ICA1: variants seen among roughly 807,000 people sequenced by gnomAD.
The protein encoded by ICA1 is 69 kDa islet cell autoantigen.
In ICA1, 40 loss-of-function variants were observed where a neutral mutation model predicts 71.0. That is an observed-to-expected ratio of 0.56 (90% CI 0.44 to 0.73). ICA1 has a LOEUF of 0.73. Among genes scored for constraint, ICA1 ranks in the 30% least tolerant of loss-of-function variants. The pLI is 0.00. For missense variants in ICA1, 578 were observed against 576.5 expected (o/e 1.00, Z -0.03); for synonymous variants, 207 against 209.5 (o/e 0.99, Z 0.10).
At position 8,173,161 on chromosome 7, in the gene ICA1, C is replaced by A. The variant is rs969195732; in HGVS notation, c.580-14509G>T. On this transcript the variant is annotated intron_variant, in intron 6 of 13. Transcript: ENST00000402384. This position sits in a 1 kb window ranked among gnomAD's most constrained non-coding sequence, Gnocchi z 4.0. ...AGGTCACGGCCTCTGACTATCATGT[C>A]CCCTCTCTAAGTAACCAGGGCTCCT... 1.3e-5 allele frequency among the ~76,000 whole-genome samples: 2 copies of A among 152,164 alleles called. No individual in the cohort carries two copies. Among genetic ancestry groups the A allele is most frequent in the East Asian group, 1.9e-4 (1 of 5,202 alleles).
intron 1 of ICA1, among the ~76,000 whole-genome samples, chr7:8,251,701 A>G (rs888036385): frequency 1.3e-5 from 2 of 152,052 alleles, no homozygotes; most frequent in African/African-American, 4.8e-5. Flanking sequence ...CTCTTCATCT[A>G]TTCCAAGAGA....
At position 8,143,956 on chromosome 7, in the gene ICA1, A is replaced by G. The variant is rs1361425781; in HGVS notation, c.821T>C (p.Met274Thr). 6.3e-7 allele frequency: 1 copy of G among 1,598,746 alleles called. No individual in the cohort carries two copies. The highest frequency in any genetic ancestry group is 8.6e-7 in the Non-Finnish European group (1 of 1,166,516). Residue 274 changes from methionine (M) to threonine (T), a missense_variant, in exon 9 of 14, where the codon ATG (methionine) becomes ACG (threonine). Transcript: ENST00000402384. The stretch of plus-strand genomic sequence containing the variant: ...CTCTTCTTTCTCAACTAATTTTTTC[A>G]TAGGGTCTTGTAAGCTCTTGATCAC... Reference protein sequence around the residue: ...FTTLKSLQDPMKKLVEKEEKK... With the variant: ...FTTLKSLQDPTKKLVEKEEKK...
intron 8 of ICA1, among the ~76,000 whole-genome samples, chr7:8,147,379 C>T (rs1446111065): frequency 1.3e-5 from 2 of 152,154 alleles, no homozygotes; most frequent in Admixed American, 1.3e-4. Flanking sequence ...CTTCTCCCAA[C>T]GGAATGGCTG....
intron 3 of ICA1, 28 bp downstream of exon 3, chr7:8,232,562 T>C (rs1800580159): frequency 1.3e-6 from 2 of 1,582,676 alleles, no homozygotes; most frequent in Non-Finnish European, 8.6e-7. Context: ...GGTGGCTGTG[T>C]TGGGGCTGAC....
At chr7:8,142,424 TG>T (rs1389849236) in intron 9 of ICA1, among the ~76,000 whole-genome samples, 1 of 152,266 alleles carries the variant, frequency 6.6e-6, no homozygotes. Context: ...AAATAGTTAC[TG>T]GGTTATACTT....
chr7:8,120,873 G>A (rs1246466504), intron 13 of ICA1, among the ~76,000 whole-genome samples: 4 of 152,194 alleles, frequency 2.6e-5, no homozygotes, highest in South Asian at 2.1e-4. Context: ...ATTTACCAGC[G>A]GGGAGAGCCG....
chr7:8,119,289 G>A (rs906775730), intron 13 of ICA1, among the ~76,000 whole-genome samples: 4 of 152,084 alleles, frequency 2.6e-5, no homozygotes, highest in Non-Finnish European at 5.9e-5. Context: ...CCTGATCTCT[G>A]TATGCTATGT....
At chr7:8,239,337 A>C (rs930510205) in intron 1 of ICA1, among the ~76,000 whole-genome samples, 3 of 152,262 alleles carry the variant, frequency 2.0e-5, no homozygotes, top group Non-Finnish European at 4.4e-5. Flanking sequence ...TTTATCAGAC[A>C]TAAACTGAGC....
At chr7:8,236,976 A>G (rs974114554) in intron 1 of ICA1, 4 of 152,246 alleles carry the variant, frequency 2.6e-5, no homozygotes, top group Non-Finnish European at 4.4e-5. Context: ...GATCCTGGCA[A>G]CCAGTACTCC....
Position 8,190,469 on chromosome 7 carries a change from A to G in ICA1, c.579+27836T>C, listed in dbSNP as rs3807829. 3.3e-5 allele frequency among the ~76,000 whole-genome samples: 5 copies of G among 152,312 alleles called. No homozygotes were observed. The East Asian group carries it at 9.6e-4, about 29-fold the overall frequency. On this transcript the variant is annotated intron_variant, in intron 6 of 13. Coordinates refer to ENST00000402384, the MANE Select transcript of ICA1 (RefSeq NM_001136020.3). ...TGAAAACGTTACAGTAGAGAAATCAATTATAATAAGGTAATACAGTTAGCT... is the reference window on the plus strand; with the variant it reads ...TGAAAACGTTACAGTAGAGAAATCAGTTATAATAAGGTAATACAGTTAGCT...
chr7:8,116,564 T>A (rs1003319699), intron 13 of ICA1: 14 of 152,256 alleles, frequency 9.2e-5, no homozygotes, highest in African/African-American at 2.9e-4. Flanking sequence ...GGATAAGGCA[T>A]CTTTGCTTTT....
At chr7:8,208,454 A>G (rs947391000) in intron 6 of ICA1, among the ~76,000 whole-genome samples, 18 of 152,340 alleles carry the variant, frequency 1.2e-4, no homozygotes, top group African/African-American at 4.3e-4. Context: ...TGAAGCATAA[A>G]TACTTTAAAC....
chr7:8,219,748 A>G (rs1195675187), intron 5 of ICA1, among the ~76,000 whole-genome samples: 2 of 152,228 alleles, frequency 1.3e-5, no homozygotes, highest in Admixed American at 1.3e-4. Context: ...AAGTCTGTAA[A>G]ACAAACACTG....
chr7:8,167,263 T>TAC (rs1261444431), intron 6 of ICA1, among the ~76,000 whole-genome samples: 2 of 152,160 alleles, frequency 1.3e-5, no homozygotes. Context: ...GAAAATGCGG[T>TAC]ACATATGCAC....
chr7:8,205,949 G>A (rs1189563600), intron 6 of ICA1, among the ~76,000 whole-genome samples: 1 of 152,210 alleles, frequency 6.6e-6, no homozygotes, highest in Non-Finnish European at 1.5e-5. Context: ...CTGGAGTTGG[G>A]TTGAAAGTGT....
chr7:8,120,314 T>A (rs1190809622), intron 13 of ICA1, among the ~76,000 whole-genome samples: 1 of 152,176 alleles, frequency 6.6e-6, no homozygotes, highest in Non-Finnish European at 1.5e-5. Flanking sequence ...CACCGACTAT[T>A]TATGGGAAAA....
At position 8,125,344 on chromosome 7, in the gene ICA1, G is replaced by A. The variant is rs187003104; in HGVS notation, c.1330+2529C>T. Among the ~76,000 whole-genome samples, 250 of 152,332 alleles carry A rather than the reference G, an allele frequency of 1.6e-3. 1 individual carries two copies. The highest frequency in any genetic ancestry group is 5.7e-3 in the African/African-American group (239 of 41,580). ...CTTGCTTAGTCAGCTCCAGCCAAGT[G>A]TCCTTCCTGAAGACCCTTCACTGTG... On this transcript the variant is annotated intron_variant, in intron 13 of 13. Coordinates refer to ENST00000402384, the MANE Select transcript of ICA1 (RefSeq NM_001136020.3).
At chr7:8,169,901 A>AGCGTGTGTGTGTGT (rs1554305271) in intron 6 of ICA1, among the ~76,000 whole-genome samples, 2 of 147,086 alleles carry the variant, frequency 1.4e-5, no homozygotes, top group South Asian at 4.4e-4. Context: ...TTAATGCCTG[A>AGCGTGTGTGTGTGT]GTGTGTGTGT....
In ICA1 at chr7:8,127,137, T is replaced by G. The variant is rs114660096; in HGVS notation, c.1330+736A>C. Among the ~76,000 whole-genome samples, 656 of 150,652 alleles carry G rather than the reference T, an allele frequency of 4.4e-3. 1 individual carries two copies. The highest frequency in any genetic ancestry group is 0.016 in the African/African-American group (631 of 40,610). On this transcript the variant is annotated intron_variant, in intron 13 of 13. Coordinates refer to ENST00000402384, the MANE Select transcript of ICA1 (RefSeq NM_001136020.3). The stretch of plus-strand genomic sequence containing the variant: ...TTGGGATTACAGGCATGTGCCATCA[T>G]GCCTACCTAAGTTTTTTTTTTTTTT...
Sources: gnomAD v4.1 joint callset for allele counts (sites outside exome capture counted in the v4.1 genomes callset) on GRCh38, gnomAD v4.1.1 for gene constraint, Gnocchi (gnomAD v3.1) non-coding constraint, MANE v1.5 for transcripts, NCBI Gene and HGNC (gene_info 2026-07-23, HGNC 2026-07-21) for gene names.